JAZF1: variants seen among roughly 807,000 people sequenced by gnomAD.
The protein encoded by JAZF1 is JAZF zinc finger 1, also known as juxtaposed with another zinc finger protein 1.
In JAZF1, 8 loss-of-function variants were observed where a neutral mutation model predicts 26.4. The observed-to-expected ratio is 0.30, with a 90% CI of 0.18 to 0.55. The LOEUF (loss-of-function observed/expected upper bound fraction) is 0.55. Ranked by LOEUF, JAZF1 falls within the 20% of genes least tolerant of loss-of-function variation. The probability of loss-of-function intolerance (pLI) is 0.94; values close to 1 mark genes in which losing one functional copy is unlikely to be tolerated. For synonymous variants in JAZF1, 126 were observed against 122.3 expected (o/e 1.03, Z -0.20); for missense variants, 199 against 322.0 (o/e 0.62, Z 2.92).
intron 3 of JAZF1, among the ~76,000 whole-genome samples, chr7:27,894,036 T>C (rs1005494985): frequency 2.6e-5 from 4 of 152,218 alleles, no homozygotes; most frequent in African/African-American, 9.7e-5. Context: ...AGTTGATATT[T>C]TGTTCTTCGT....
intron 3 of JAZF1, among the ~76,000 whole-genome samples, chr7:27,869,193 A>G (rs1326199683): frequency 5.3e-5 from 8 of 152,230 alleles, no homozygotes; most frequent in Non-Finnish European, 1.0e-4. Flanking sequence ...TTAGACCTCT[A>G]TTCAGGGCTG....
At chr7:27,982,602 G>C (rs909539212) in intron 2 of JAZF1, among the ~76,000 whole-genome samples, 1 of 152,200 alleles carries the variant, frequency 6.6e-6, no homozygotes, top group African/African-American at 2.4e-5. Context: ...GAAGAGAGTA[G>C]TGGTTCTCCC....
intron 1 of JAZF1, among the ~76,000 whole-genome samples, chr7:28,001,986 G>C (rs1288666345): frequency 6.6e-6 from 1 of 152,144 alleles, no homozygotes; most frequent in Non-Finnish European, 1.5e-5. Context: ...TCTGACATGT[G>C]GTAAGATATT....
At chr7:28,024,231 G>A (rs1407948178) in intron 1 of JAZF1, among the ~76,000 whole-genome samples, 1 of 152,168 alleles carries the variant, frequency 6.6e-6, no homozygotes, top group African/African-American at 2.4e-5. Context: ...CGAGGTTGAG[G>A]CTGCAGTGAG....
chr7:27,967,565 C>T (rs757893635), intron 2 of JAZF1, among the ~76,000 whole-genome samples: 2 of 152,020 alleles, frequency 1.3e-5, no homozygotes, highest in Non-Finnish European at 2.9e-5. Context: ...TCTACAAAAA[C>T]ATAGGTTAAA....
At chr7:27,905,751 G>C (rs1480891650) in intron 2 of JAZF1, among the ~76,000 whole-genome samples, 1 of 151,564 alleles carries the variant, frequency 6.6e-6, no homozygotes, top group African/African-American at 2.4e-5. Context: ...TAATTAAAAA[G>C]GAAAAACTAC....
chr7:28,177,816 A>G (rs181987003), intron 1 of JAZF1, among the ~76,000 whole-genome samples: 24 of 152,282 alleles, frequency 1.6e-4, no homozygotes, highest in Non-Finnish European at 3.4e-4. Flanking sequence ...AATGCTTTAT[A>G]TTTTCACCCA....
At chr7:27,896,116 C>A (rs540892571) in intron 2 of JAZF1, among the ~76,000 whole-genome samples, 1 of 152,164 alleles carries the variant, frequency 6.6e-6, no homozygotes, top group Non-Finnish European at 1.5e-5. Context: ...GAGGTCACCA[C>A]TGATGATTTG....
intron 4 of JAZF1, among the ~76,000 whole-genome samples, chr7:27,833,911 A>C (rs1041613210): frequency 6.6e-6 from 1 of 152,214 alleles, no homozygotes; most frequent in African/African-American, 2.4e-5. Flanking sequence ...AGATCTAAGA[A>C]GGGACGGCGG....
chr7:28,122,499 G>A (rs929934751), intron 1 of JAZF1, among the ~76,000 whole-genome samples: 1 of 152,084 alleles, frequency 6.6e-6, no homozygotes, highest in Non-Finnish European at 1.5e-5. Flanking sequence ...AGCTGAAATT[G>A]GTTCAAGCAA....
At chr7:28,128,614 C>A (rs1782738711) in intron 1 of JAZF1, among the ~76,000 whole-genome samples, 1 of 152,174 alleles carries the variant, frequency 6.6e-6, no homozygotes, top group African/African-American at 2.4e-5. Flanking sequence ...CATTAATAAG[C>A]CCTCCAGAAG....
chr7:28,038,621 A>G (rs1783335975), intron 1 of JAZF1, among the ~76,000 whole-genome samples: 1 of 152,150 alleles, frequency 6.6e-6, no homozygotes, highest in African/African-American at 2.4e-5. Context: ...TTACTTGCAA[A>G]TATCACATAA....
At chr7:27,926,995 C>T (rs1381399101) in intron 2 of JAZF1, among the ~76,000 whole-genome samples, 1 of 152,184 alleles carries the variant, frequency 6.6e-6, no homozygotes, top group Non-Finnish European at 1.5e-5. Flanking sequence ...CCCGGGAGTT[C>T]TTCATTTGTA....
intron 3 of JAZF1, among the ~76,000 whole-genome samples, chr7:27,846,313 G>T (rs1289162241): frequency 1.4e-5 from 2 of 145,160 alleles, no homozygotes; most frequent in African/African-American, 5.2e-5. Context: ...GTATTCCATT[G>T]TGTGTGTGTG....
At chr7:28,075,096 G>GT (rs1198541827) in intron 1 of JAZF1, among the ~76,000 whole-genome samples, 2 of 152,134 alleles carry the variant, frequency 1.3e-5, no homozygotes, top group African/African-American at 4.8e-5. Context: ...GCTGACCTGG[G>GT]TTCAAAGCCT....
At chr7:28,019,700 C>T (rs964618108) in intron 1 of JAZF1, among the ~76,000 whole-genome samples, 8 of 152,252 alleles carry the variant, frequency 5.3e-5, no homozygotes, top group African/African-American at 1.9e-4. Flanking sequence ...CACAACATGG[C>T]ATCTTCCATG....
chr7:28,171,874 C>T (rs193002572), intron 1 of JAZF1, among the ~76,000 whole-genome samples: 6 of 152,170 alleles, frequency 3.9e-5, no homozygotes, highest in Admixed American at 6.5e-5. Context: ...TAATGATTCC[C>T]GAATTGGGAG....
rs143659513 is a variant in JAZF1 at position 28,024,341 on chromosome 7, C to T, written c.116-32360G>A. Reference sequence around the variant, plus strand: ...GAGAGAGATGTTTAAGAAGAGAGAACAGCATATTAAAAGTTCTAAGGGAGA... The same window carrying T: ...GAGAGAGATGTTTAAGAAGAGAGAATAGCATATTAAAAGTTCTAAGGGAGA... On this transcript the variant is annotated intron_variant, in intron 1 of 4. Transcript: ENST00000283928. Among the ~76,000 whole-genome samples the T allele has an allele frequency of 5.9e-3, 899 of 151,726 alleles. 7 individuals are homozygous for T. Among genetic ancestry groups the T allele is most frequent in the African/African-American group, 0.021 (872 of 41,334 alleles).
At chr7:27,894,836 T>C (rs564248114) in intron 3 of JAZF1, among the ~76,000 whole-genome samples, 1 of 152,332 alleles carries the variant, frequency 6.6e-6, no homozygotes, top group South Asian at 2.1e-4. Flanking sequence ...TAATAAATTA[T>C]GTTTTCTCTA....
Sources: gnomAD v4.1 joint callset for allele counts (sites outside exome capture counted in the v4.1 genomes callset) on GRCh38, gnomAD v4.1.1 for gene constraint, MANE v1.5 for transcripts, NCBI Gene and HGNC (gene_info 2026-07-23, HGNC 2026-07-21) for gene names.